Variants in ESR1 observed in about 807,000 individuals in gnomAD.
The protein encoded by ESR1 is estrogen receptor.
In ESR1, 12 loss-of-function variants were observed where a neutral mutation model predicts 52.7. The ratio of observed to expected loss-of-function variants is 0.23; its 90% confidence interval spans 0.15 to 0.37. The LOEUF is 0.37. Among genes scored for constraint, ESR1 ranks in the 10% least tolerant of loss-of-function variants. The pLI, the probability that ESR1 is intolerant of heterozygous loss-of-function variation, is 1.00. For missense variants in ESR1, 584 were observed against 779.7 expected (o/e 0.75, Z 2.99); for synonymous variants, 305 against 316.8 (o/e 0.96, Z 0.39).
At chr6:151,850,768 C>G (rs965349490) in intron 2 of ESR1, among the ~76,000 whole-genome samples, 1 of 152,162 alleles carries the variant, frequency 6.6e-6, no homozygotes, top group Non-Finnish European at 1.5e-5. Context: ...ATTGCAGCCT[C>G]TGGCTCTGAC....
At chr6:151,988,368 T>G (rs1584674661) in intron 4 of ESR1, among the ~76,000 whole-genome samples, 2 of 152,052 alleles carry the variant, frequency 1.3e-5, no homozygotes, top group African/African-American at 4.8e-5. Context: ...AATCTAATGC[T>G]GCCACTGATC....
At chr6:152,011,621 T>C in intron 4 of ESR1, 35 bp from the exon 5 acceptor site, 1 of 1,612,688 alleles carries the variant, frequency 6.2e-7, no homozygotes, top group Non-Finnish European at 8.5e-7. Flanking sequence ...GTCTTTTTCA[T>C]TTGAGTCAGC....
chr6:152,025,286 C>A (rs895182967), intron 5 of ESR1, among the ~76,000 whole-genome samples: 3 of 148,076 alleles, frequency 2.0e-5, no homozygotes, highest in African/African-American at 7.5e-5. Context: ...TTCCTATGTC[C>A]TGGAAGGTGT....
At chr6:152,109,987 T>A (rs2051112705) in intron 6 of ESR1, among the ~76,000 whole-genome samples, 1 of 152,222 alleles carries the variant, frequency 6.6e-6, no homozygotes, top group Non-Finnish European at 1.5e-5. Flanking sequence ...CCCACATTCA[T>A]ACACACAAAA....
intron 6 of ESR1, chr6:152,122,645 A>G (rs2051680034): frequency 1.2e-6 from 2 of 1,614,096 alleles, no homozygotes; most frequent in Middle Eastern, 1.7e-4. Flanking sequence ...CCTGGCTCAG[A>G]AAGGGAGGAA....
intron 4 of ESR1, among the ~76,000 whole-genome samples, chr6:151,994,078 T>C (rs538845297): frequency 1.3e-5 from 2 of 152,296 alleles, no homozygotes; most frequent in African/African-American, 4.8e-5. Flanking sequence ...TATCACTATT[T>C]TTAAATGGGG....
chr6:152,126,672 G>T (rs1034655573), exon 7 of ESR1: 2 of 152,120 alleles, frequency 1.3e-5, no homozygotes, highest in African/African-American at 4.8e-5. Context: ...GTAAATAGCT[G>T]CCCAGGAGTT....
intron 4 of ESR1, among the ~76,000 whole-genome samples, chr6:151,964,117 T>C (rs1157816215): frequency 2.0e-5 from 3 of 152,224 alleles, no homozygotes; most frequent in African/African-American, 7.2e-5. Context: ...GCCTCTAGCT[T>C]TGTTCTTTTT....
At chr6:151,906,426 G>A (rs1443288977) in intron 3 of ESR1, among the ~76,000 whole-genome samples, 1 of 151,732 alleles carries the variant, frequency 6.6e-6, no homozygotes, top group African/African-American at 2.4e-5. Flanking sequence ...AAAATAAGTT[G>A]ATAGTGAATT....
At chr6:151,824,281 T>C (rs1283539638) in intron 1 of ESR1, among the ~76,000 whole-genome samples, 1 of 152,198 alleles carries the variant, frequency 6.6e-6, no homozygotes, top group Non-Finnish European at 1.5e-5. Flanking sequence ...TTTTCAGAAG[T>C]GTCTGTTCAT....
intron 2 of ESR1, among the ~76,000 whole-genome samples, chr6:151,733,536 G>A (rs1782416473): frequency 6.6e-6 from 1 of 151,840 alleles, no homozygotes; most frequent in African/African-American, 2.4e-5. Context: ...CAAATTTGTG[G>A]GTCAGGCACA....
intron 6 of ESR1, chr6:152,125,198 G>T (rs762417617): frequency 9.2e-6 from 14 of 1,518,710 alleles, no homozygotes; most frequent in East Asian, 7.4e-5. Context: ...ACTCTCTGCT[G>T]TGAAATGTTT....
intron 3 of ESR1, among the ~76,000 whole-genome samples, chr6:151,901,641 C>T (rs1796713670): frequency 6.6e-6 from 1 of 152,194 alleles, no homozygotes; most frequent in Non-Finnish European, 1.5e-5. Context: ...CTTTATTTCA[C>T]TCAGCTGTCT....
At chr6:151,998,183 T>C (rs1162322446) in intron 4 of ESR1, among the ~76,000 whole-genome samples, 1 of 152,130 alleles carries the variant, frequency 6.6e-6, no homozygotes, top group Non-Finnish European at 1.5e-5. Flanking sequence ...GTTCTTAAAT[T>C]TTTATCTTTA....
chr6:152,010,620 T>A (rs959549136), intron 4 of ESR1, among the ~76,000 whole-genome samples: 11 of 152,094 alleles, frequency 7.2e-5, no homozygotes, highest in Non-Finnish European at 2.9e-5. Context: ...GGTGTGTGAT[T>A]TATTTAGTCA....
chr6:152,049,804 T>G (rs2046530350), intron 5 of ESR1, among the ~76,000 whole-genome samples: 1 of 152,166 alleles, frequency 6.6e-6, no homozygotes, highest in Non-Finnish European at 1.5e-5. Flanking sequence ...TGGAAATGGA[T>G]GTGTGTGGAT....
rs185403373 is a variant in ESR1, at chr6:151,881,939, G to C, written c.760+1168G>C. Among the ~76,000 whole-genome samples, 53 of 151,306 alleles carry C rather than the reference G, an allele frequency of 3.5e-4. No individual in the cohort carries two copies. In the East Asian group the frequency reaches 7.6e-3, roughly 22 times the overall value. Reference sequence around the variant, plus strand: ...AAATAAATAAATAAATAAAGTAACGGATTCATTTAGTGTTTCAGAAGGATA... The same window carrying C: ...AAATAAATAAATAAATAAAGTAACGCATTCATTTAGTGTTTCAGAAGGATA... On this transcript the variant is annotated intron_variant, in intron 3 of 7. Transcript: ENST00000206249.
At chr6:151,826,105 T>C (rs567591328) in intron 1 of ESR1, among the ~76,000 whole-genome samples, 1 of 151,678 alleles carries the variant, frequency 6.6e-6, no homozygotes, top group South Asian at 2.1e-4. Context: ...GAATTGAAAG[T>C]TGGTTGTGTG....
intron 5 of ESR1, among the ~76,000 whole-genome samples, chr6:152,041,387 C>T (rs2092703): frequency 0.42 from 64,128 of 151,984 alleles, 14,953 homozygotes; most frequent in African/African-American, 0.61. Context: ...GTAACACACC[C>T]AAATGAGGAA....
Sources: gnomAD v4.1 joint callset for allele counts (sites outside exome capture counted in the v4.1 genomes callset) on GRCh38, gnomAD v4.1.1 for gene constraint, MANE v1.5 for transcripts, NCBI Gene and HGNC (gene_info 2026-07-23, HGNC 2026-07-21) for gene names.